Variants in CAMTA1 observed in about 807,000 individuals in gnomAD.
CAMTA1 encodes calmodulin-binding transcription activator 1.
CAMTA1 carries 27 observed loss-of-function variants against 170.9 expected under a neutral mutation model. That is an observed-to-expected ratio of 0.16 (90% confidence interval 0.12 to 0.22). The LOEUF (loss-of-function observed/expected upper bound fraction) is 0.22. CAMTA1 is among the 10% of genes least tolerant of loss of function. The probability of loss-of-function intolerance (pLI) is 1.00; values close to 1 mark genes in which losing one functional copy is unlikely to be tolerated. For missense variants in CAMTA1, 1,619 were observed against 2,217.2 expected, an observed-to-expected ratio of 0.73 and a Z score of 5.42; for synonymous variants, 833 against 891.5, an observed-to-expected ratio of 0.93 and a Z score of 1.17.
intron 5 of CAMTA1, among the ~76,000 whole-genome samples, chr1:7,459,394 TGG>T (rs1285144341): frequency 6.6e-6 from 1 of 152,204 alleles, no homozygotes; most frequent in Non-Finnish European, 1.5e-5. Flanking sequence ...CAGGGTACCC[TGG>T]GGAGCAATAG....
intron 5 of CAMTA1, among the ~76,000 whole-genome samples, chr1:7,362,437 G>A (rs2085612999): frequency 6.6e-6 from 1 of 152,152 alleles, no homozygotes; most frequent in African/African-American, 2.4e-5. Flanking sequence ...GAAAGAGTTA[G>A]TAGACTTCAA....
At chr1:6,963,811 C>T (rs946536052) in intron 3 of CAMTA1, among the ~76,000 whole-genome samples, 1 of 152,186 alleles carries the variant, frequency 6.6e-6, no homozygotes, top group Admixed American at 6.5e-5. Flanking sequence ...AGACGCCCCT[C>T]ACCATGGGCC....
intron 5 of CAMTA1, among the ~76,000 whole-genome samples, chr1:7,351,214 G>A (rs2084643751): frequency 6.6e-6 from 1 of 152,242 alleles, no homozygotes; most frequent in South Asian, 2.1e-4. Context: ...GCTTTTCCCA[G>A]GCACGATCCT....
chr1:7,006,019 A>G (rs1204042368), intron 3 of CAMTA1, among the ~76,000 whole-genome samples: 4 of 152,056 alleles, frequency 2.6e-5, no homozygotes, highest in Non-Finnish European at 5.9e-5. Flanking sequence ...GAGGACAGGG[A>G]AGGTAGCATT....
intron 11 of CAMTA1, among the ~76,000 whole-genome samples, chr1:7,720,385 GTTTGT>G (rs2096641839): frequency 1.3e-5 from 2 of 152,166 alleles, no homozygotes; most frequent in South Asian, 4.2e-4. Flanking sequence ...TTGTTTGTTT[GTTTGT>G]TTTGTTTTTG....
intron 7 of CAMTA1, among the ~76,000 whole-genome samples, chr1:7,654,985 T>C (rs202073472): frequency 7.3e-4 from 87 of 119,476 alleles, no homozygotes; most frequent in African/African-American, 2.7e-3. Flanking sequence ...CACACACCTA[T>C]ACACACACCC....
chr1:7,578,452 G>A (rs552642511), intron 6 of CAMTA1, among the ~76,000 whole-genome samples: 10 of 152,330 alleles, frequency 6.6e-5, no homozygotes, highest in Middle Eastern at 3.4e-3. Context: ...AGGGCCAAGC[G>A]GTGTGGAGGC....
intron 6 of CAMTA1, among the ~76,000 whole-genome samples, chr1:7,488,216 G>A (rs2093643271): frequency 6.6e-6 from 1 of 152,176 alleles, no homozygotes; most frequent in Non-Finnish European, 1.5e-5. Flanking sequence ...GCTCTCAGGT[G>A]ACCAGAGCCT....
intron 6 of CAMTA1, among the ~76,000 whole-genome samples, chr1:7,584,303 G>A (rs1045685594): frequency 1.3e-5 from 2 of 151,958 alleles, no homozygotes; most frequent in African/African-American, 4.8e-5. Flanking sequence ...GGGGCATCAG[G>A]GGACGGAAGC....
chr1:7,705,073 A>T (rs2096496594), intron 11 of CAMTA1, among the ~76,000 whole-genome samples: 1 of 143,502 alleles, frequency 7.0e-6, no homozygotes, highest in Non-Finnish European at 1.5e-5. Context: ...CCAGGCCGGG[A>T]GGGCGTGCGC....
intron 6 of CAMTA1, among the ~76,000 whole-genome samples, chr1:7,471,144 A>G (rs75507805): frequency 0.087 from 13,291 of 152,268 alleles, 728 homozygotes; most frequent in Admixed American, 0.18. Flanking sequence ...TCGGGCTTTC[A>G]GGGGAGGGTG....
intron 3 of CAMTA1, chr1:6,888,023 A>G: frequency 8.8e-7 from 1 of 1,133,934 alleles, no homozygotes; most frequent in South Asian, 2.4e-5. Flanking sequence ...CCCCTCAGCA[A>G]GCTGCCTTTT....
chr1:7,623,463 C>G (rs2095612494), intron 6 of CAMTA1, among the ~76,000 whole-genome samples: 1 of 152,166 alleles, frequency 6.6e-6, no homozygotes. Context: ...GCCTGACTTC[C>G]CATCAGCTCC....
intron 1 of CAMTA1, among the ~76,000 whole-genome samples, chr1:6,788,645 C>T (rs528419111): frequency 6.6e-6 from 1 of 150,740 alleles, no homozygotes; most frequent in African/African-American, 2.4e-5. Context: ...GTAGACTCAG[C>T]GGAGTCATCC....
In CAMTA1 at chr1:7,534,693, G is replaced by A. The variant is rs2094529196; in HGVS notation, c.510+66792G>A. The stretch of plus-strand genomic sequence containing the variant: ...CGGGCCGAGGGGAGCTGAGGCCACG[G>A]CGGGGACTCCTCACTCCTCCTTCCT... On this transcript the variant is annotated intron_variant, in intron 6 of 22. Coordinates refer to ENST00000303635, the MANE Select transcript of CAMTA1 (RefSeq NM_015215.4). This position sits in a 1 kb window ranked among gnomAD's most constrained non-coding sequence, Gnocchi z 5.6. Among the ~76,000 whole-genome samples the A allele has an allele frequency of 6.6e-6, 1 of 152,186 alleles. No homozygotes were observed. Among genetic ancestry groups the A allele is most frequent in the African/African-American group, 2.4e-5 (1 of 41,448 alleles).
chr1:7,480,313 A>G (rs12753184), intron 6 of CAMTA1, among the ~76,000 whole-genome samples: 1 of 30,906 alleles, frequency 3.2e-5, no homozygotes, highest in Non-Finnish European at 6.1e-5. Flanking sequence ...GTGCATTTGT[A>G]AGTGTGTGTG....
In CAMTA1 at chr1:7,635,379, A is replaced by G. The variant is rs2095703270; in HGVS notation, c.511-5021A>G. Among the ~76,000 whole-genome samples the G allele has an allele frequency of 2.0e-5, 3 of 152,102 alleles. No homozygotes were observed. The highest frequency in any genetic ancestry group is 4.4e-5 in the Non-Finnish European group (3 of 68,008). On this transcript the variant is annotated intron_variant, in intron 6 of 22. Transcript: ENST00000303635. This position sits in a 1 kb window ranked among gnomAD's most constrained non-coding sequence, Gnocchi z 4.4. ...TCCCAGCACTTTGGAAGGCCGAGGCAGGCAGATCACGAGATCGGGACACCG... is the reference window on the plus strand; with the variant it reads ...TCCCAGCACTTTGGAAGGCCGAGGCGGGCAGATCACGAGATCGGGACACCG...
intron 4 of CAMTA1, among the ~76,000 whole-genome samples, chr1:7,121,824 G>C (rs982620144): frequency 6.6e-6 from 1 of 152,142 alleles, no homozygotes; most frequent in Non-Finnish European, 1.5e-5. Flanking sequence ...AGCCGCGAGG[G>C]GGGTGCCACG....
intron 3 of CAMTA1, among the ~76,000 whole-genome samples, chr1:6,826,616 C>A (rs193249336): frequency 6.6e-6 from 1 of 152,142 alleles, no homozygotes; most frequent in Non-Finnish European, 1.5e-5. Flanking sequence ...TTATTATACA[C>A]GTTAGTTCTA....
Sources: allele counts gnomAD v4.1 joint callset (sites outside exome capture counted in the v4.1 genomes callset), GRCh38; gene constraint gnomAD v4.1.1; non-coding constraint Gnocchi (gnomAD v3.1); transcripts MANE v1.5; gene names NCBI Gene and HGNC (gene_info 2026-07-23, HGNC 2026-07-21).